KCNT2: variants seen among roughly 807,000 people sequenced by gnomAD.
KCNT2 encodes potassium channel subfamily T member 2.
KCNT2 carries 67 observed loss-of-function variants against 153.8 expected under a neutral mutation model. The observed-to-expected ratio is 0.44, with a 90% CI of 0.36 to 0.53. The LOEUF is 0.53. KCNT2 is among the 20% of genes least tolerant of loss of function. The pLI, the probability that KCNT2 is intolerant of heterozygous loss-of-function variation, is 0.00. For missense variants in KCNT2, 975 were observed against 1,354.8 expected, an observed-to-expected ratio of 0.72 and a Z score of 4.40; for synonymous variants, 500 against 458.8, an observed-to-expected ratio of 1.09 and a Z score of -1.15.
At chr1:196,566,156 G>A (rs1409179394) in intron 1 of KCNT2, among the ~76,000 whole-genome samples, 7 of 151,954 alleles carry the variant, frequency 4.6e-5, no homozygotes, top group Admixed American at 3.9e-4. Flanking sequence ...TGAGACAGGA[G>A]ATCACTAAAG....
intron 8 of KCNT2, among the ~76,000 whole-genome samples, chr1:196,451,759 A>G (rs1676227362): frequency 6.6e-6 from 1 of 151,692 alleles, no homozygotes. Flanking sequence ...ACTAATCTGT[A>G]TTTGTTATTT....
intron 1 of KCNT2, among the ~76,000 whole-genome samples, chr1:196,590,039 C>A (rs1572911520): frequency 1.3e-5 from 2 of 152,140 alleles, no homozygotes. Flanking sequence ...AAAGCCACAA[C>A]TTTACCACTA....
At chr1:196,568,616 G>T (rs1016895183) in intron 1 of KCNT2, among the ~76,000 whole-genome samples, 1 of 147,776 alleles carries the variant, frequency 6.8e-6, no homozygotes, top group African/African-American at 2.5e-5. Flanking sequence ...AAAAAGAAAA[G>T]AAAAACACGC....
At chr1:196,263,939 T>C (rs1421840793) in intron 25 of KCNT2, among the ~76,000 whole-genome samples, 1 of 152,182 alleles carries the variant, frequency 6.6e-6, no homozygotes, top group African/African-American at 2.4e-5. Context: ...TTTACTGCAT[T>C]GTGTGTATAT....
intron 8 of KCNT2, among the ~76,000 whole-genome samples, chr1:196,430,302 G>C (rs1054195567): frequency 2.6e-5 from 4 of 151,896 alleles, no homozygotes; most frequent in African/African-American, 9.7e-5. Context: ...ATTAAGAGGT[G>C]TTTAGGTCAT....
At chr1:196,311,685 T>C (rs1486154475) in intron 21 of KCNT2, among the ~76,000 whole-genome samples, 1 of 151,796 alleles carries the variant, frequency 6.6e-6, no homozygotes, top group Non-Finnish European at 1.5e-5. Context: ...CCCCAGCTCC[T>C]AGGTAAAGTT....
At chr1:196,448,111 G>T (rs927274816) in intron 8 of KCNT2, among the ~76,000 whole-genome samples, 2 of 151,560 alleles carry the variant, frequency 1.3e-5, no homozygotes, top group Non-Finnish European at 3.0e-5. Context: ...CTACTGATAA[G>T]GCTTCAATGC....
At position 196,265,856 on chromosome 1, in the gene KCNT2, A is replaced by G. The variant is rs796600463; in HGVS notation, c.2911-7362T>C. Among the ~76,000 whole-genome samples, 124 of 152,258 alleles carry G rather than the reference A, an allele frequency of 8.1e-4. 1 individual carries two copies. The highest frequency in any genetic ancestry group is 2.9e-3 in the African/African-American group (120 of 41,550). ...AGAGGTTAATTCAAACCCAACTTCA[A>G]TCTAGGGAACTTAAAATCTGATGAA... On this transcript the variant is annotated intron_variant, in intron 25 of 27. Transcript: ENST00000294725.
chr1:196,470,583 C>T (rs569888023), intron 5 of KCNT2, among the ~76,000 whole-genome samples: 65 of 152,166 alleles, frequency 4.3e-4, no homozygotes, highest in African/African-American at 1.1e-3. Context: ...CCAGATAGGC[C>T]ACAAAAGCTT....
intron 1 of KCNT2, among the ~76,000 whole-genome samples, chr1:196,599,973 CTGAACT>C (rs1664531677): frequency 6.6e-6 from 1 of 152,182 alleles, no homozygotes; most frequent in Admixed American, 6.6e-5. Flanking sequence ...TCTAATATCA[CTGAACT>C]AATTTATTTC....
chr1:196,445,192 T>A (rs1488396208), intron 8 of KCNT2, among the ~76,000 whole-genome samples: 1 of 151,372 alleles, frequency 6.6e-6, no homozygotes, highest in African/African-American at 2.4e-5. Flanking sequence ...TATGTATACA[T>A]CCCATCTTCT....
intron 8 of KCNT2, among the ~76,000 whole-genome samples, chr1:196,451,529 G>A (rs1037072781): frequency 6.8e-6 from 1 of 147,810 alleles, no homozygotes; most frequent in Non-Finnish European, 1.5e-5. Flanking sequence ...AGGATTACAG[G>A]CATGAGCCAC....
At chr1:196,253,018 T>C (rs1656122954) in intron 26 of KCNT2, among the ~76,000 whole-genome samples, 1 of 151,238 alleles carries the variant, frequency 6.6e-6, no homozygotes. Context: ...GCATTACTTA[T>C]TAATATGTAT....
chr1:196,328,461 A>G (rs1006785354), intron 18 of KCNT2, among the ~76,000 whole-genome samples: 1 of 152,078 alleles, frequency 6.6e-6, no homozygotes, highest in Non-Finnish European at 1.5e-5. Flanking sequence ...TATTCAAGTA[A>G]ATATTGGCTG....
intron 1 of KCNT2, among the ~76,000 whole-genome samples, chr1:196,517,200 T>C (rs1652695212): frequency 6.6e-6 from 1 of 152,146 alleles, no homozygotes; most frequent in Non-Finnish European, 1.5e-5. Flanking sequence ...CCCAGTACTC[T>C]CTTCTCCCTA....
In KCNT2 at chr1:196,241,893, C is replaced by T. The variant is rs113981455; in HGVS notation, c.3212-5823G>A. On this transcript the variant is annotated intron_variant, in intron 26 of 27. Coordinates refer to ENST00000294725, the MANE Select transcript of KCNT2 (RefSeq NM_198503.5). Reference sequence around the variant, plus strand: ...GATTTTCTTTTAAAAACCTATGTTACGTTTCATAAATGTTGAAAAACAAAA... The same window carrying T: ...GATTTTCTTTTAAAAACCTATGTTATGTTTCATAAATGTTGAAAAACAAAA... Among the ~76,000 whole-genome samples the T allele has an allele frequency of 5.1e-3, 775 of 152,060 alleles. 6 individuals are homozygous for T. The highest frequency in any genetic ancestry group is 0.016 in the African/African-American group (678 of 41,504).
chr1:196,581,550 A>G (rs1025312964), intron 1 of KCNT2, among the ~76,000 whole-genome samples: 7 of 152,040 alleles, frequency 4.6e-5, no homozygotes, highest in African/African-American at 1.7e-4. Flanking sequence ...ATTTCAATAT[A>G]ATGAAGTTAA....
chr1:196,477,485 G>C (rs924971788), intron 5 of KCNT2, among the ~76,000 whole-genome samples: 7 of 152,198 alleles, frequency 4.6e-5, no homozygotes, highest in African/African-American at 1.7e-4. Context: ...CTAGTCAAGA[G>C]AGTAGGGAGA....
At chr1:196,340,248 A>T in intron 16 of KCNT2, 93 bp downstream of exon 16, 1 of 814,196 alleles carries the variant, frequency 1.2e-6, no homozygotes. Context: ...AATTTTCTTT[A>T]AACTTTTAAT....
Sources: allele counts gnomAD v4.1 joint callset (sites outside exome capture counted in the v4.1 genomes callset), GRCh38; gene constraint gnomAD v4.1.1; transcripts MANE v1.5; gene names NCBI Gene and HGNC (gene_info 2026-07-23, HGNC 2026-07-21).